The following TOX variants were observed in gnomAD, a reference collection of about 807,000 sequenced individuals.
TOX encodes thymocyte selection associated high mobility group box, also known as thymocyte selection-associated high mobility group box protein TOX.
Under a neutral mutation model 53.7 loss-of-function variants are expected in TOX, and 11 were observed. The ratio of observed to expected loss-of-function variants is 0.20; its 90% CI spans 0.13 to 0.34. The LOEUF (loss-of-function observed/expected upper bound fraction) is 0.34, where lower values mean the gene tolerates loss of function less well. TOX is among the 10% of genes least tolerant of loss of function. The pLI is 1.00. For synonymous variants in TOX, 225 were observed against 245.3 expected, an observed-to-expected ratio of 0.92 and a Z score of 0.77; for missense variants, 570 against 664.6, an observed-to-expected ratio of 0.86 and a Z score of 1.56.
At chr8:58,893,129 C>T (rs530202007) in intron 3 of TOX, among the ~76,000 whole-genome samples, 6 of 152,236 alleles carry the variant, frequency 3.9e-5, no homozygotes, top group African/African-American at 9.6e-5. Context: ...TGCTTTGTGT[C>T]TACAGTAATT....
intron 1 of TOX, among the ~76,000 whole-genome samples, chr8:59,079,319 A>G (rs1046093633): frequency 6.6e-6 from 1 of 152,218 alleles, no homozygotes; most frequent in African/African-American, 2.4e-5. Context: ...AGACAATGGG[A>G]AAAAGGCCTC....
At chr8:59,061,725 A>G (rs773453929) in intron 1 of TOX, among the ~76,000 whole-genome samples, 1 of 151,760 alleles carries the variant, frequency 6.6e-6, no homozygotes, top group Non-Finnish European at 1.5e-5. Flanking sequence ...ACTTTCCTAT[A>G]TATATCTAGT....
intron 1 of TOX, among the ~76,000 whole-genome samples, chr8:58,973,654 A>G (rs1005951058): frequency 5.9e-5 from 9 of 152,188 alleles, no homozygotes; most frequent in African/African-American, 2.2e-4. Flanking sequence ...GAAGGTTATT[A>G]GCATTTCCTT....
intron 3 of TOX, among the ~76,000 whole-genome samples, chr8:58,912,449 C>T (rs79302965): frequency 0.017 from 2,518 of 152,178 alleles, 79 homozygotes; most frequent in African/African-American, 0.057. Context: ...TTCAAAGGGC[C>T]GGCTGACTAA....
chr8:59,082,281 T>C (rs982020280), intron 1 of TOX, among the ~76,000 whole-genome samples: 33 of 152,208 alleles, frequency 2.2e-4, no homozygotes, highest in African/African-American at 7.7e-4. Flanking sequence ...CCACGGAGAA[T>C]TGGGGAGTTG....
chr8:59,090,512 T>C (rs1471695896), intron 1 of TOX, among the ~76,000 whole-genome samples: 1 of 152,162 alleles, frequency 6.6e-6, no homozygotes, highest in Non-Finnish European at 1.5e-5. Context: ...TGGCACCTGA[T>C]ATTATTATAG....
chr8:59,078,620 TTTATAAA>T (rs1305457204), intron 1 of TOX, among the ~76,000 whole-genome samples: 1 of 152,190 alleles, frequency 6.6e-6, no homozygotes, highest in African/African-American at 2.4e-5. Flanking sequence ...ACCTCTTTTC[TTTATAAA>T]TTACTCAGTC....
At chr8:58,904,165 C>G (rs1811776032) in intron 3 of TOX, among the ~76,000 whole-genome samples, 5 of 152,122 alleles carry the variant, frequency 3.3e-5, no homozygotes, top group Admixed American at 3.3e-4. Context: ...TACTAAAATT[C>G]TGGTCCCACA....
intron 3 of TOX, among the ~76,000 whole-genome samples, chr8:58,921,041 C>T (rs1812064995): frequency 6.6e-6 from 1 of 151,726 alleles, no homozygotes; most frequent in South Asian, 2.1e-4. Context: ...TTTTTAGGAC[C>T]TATCTTGCCT....
Position 58,976,072 on chromosome 8 carries a change from T to TA in TOX, c.103-16065dup, listed in dbSNP as rs35306002. Among the ~76,000 whole-genome samples the TA allele has an allele frequency of 8.7e-4, 129 of 148,988 alleles. 2 individuals are homozygous for TA. The South Asian group carries it at 0.021, about 24-fold the overall frequency. On this transcript the variant is annotated intron_variant, in intron 1 of 8. Transcript: ENST00000361421. Reference sequence around the variant, plus strand: ...GGAGACAGAGTGAGACTCCGTCTAATAAAAAAAAAAAAATGAAGTTTGCCA... The same window carrying TA: ...GGAGACAGAGTGAGACTCCGTCTAATAAAAAAAAAAAAAATGAAGTTTGCCA...
At chr8:58,901,607 A>G (rs1361819857) in intron 3 of TOX, among the ~76,000 whole-genome samples, 1 of 152,176 alleles carries the variant, frequency 6.6e-6, no homozygotes, top group Non-Finnish European at 1.5e-5. Context: ...CTTGTCTAAA[A>G]TGAGTTATTT....
chr8:59,085,537 C>T (rs1038249782), intron 1 of TOX, among the ~76,000 whole-genome samples: 14 of 152,160 alleles, frequency 9.2e-5, no homozygotes, highest in African/African-American at 1.9e-4. Flanking sequence ...CACAGGCATG[C>T]GCCACCACAC....
intron 1 of TOX, among the ~76,000 whole-genome samples, chr8:59,088,076 A>T (rs964676573): frequency 1.3e-4 from 20 of 152,122 alleles, no homozygotes; most frequent in Non-Finnish European, 2.4e-4. Flanking sequence ...TTATTATATT[A>T]AAAAAACACA....
chr8:59,053,855 T>C (rs934955700), intron 1 of TOX, among the ~76,000 whole-genome samples: 3 of 152,182 alleles, frequency 2.0e-5, no homozygotes, highest in African/African-American at 4.8e-5. Context: ...GACCAAGCAA[T>C]AATTTTGCCT....
intron 3 of TOX, among the ~76,000 whole-genome samples, chr8:58,929,038 A>G (rs1812214094): frequency 6.6e-6 from 1 of 152,132 alleles, no homozygotes; most frequent in South Asian, 2.1e-4. Context: ...ACATTTTGAG[A>G]GGGTTTTTGC....
At chr8:58,865,675 A>C (rs2129169495) in intron 3 of TOX, among the ~76,000 whole-genome samples, 1 of 152,274 alleles carries the variant, frequency 6.6e-6, no homozygotes, top group Admixed American at 6.5e-5. Context: ...AACAAAAAGA[A>C]AAGAAAAAGA....
At chr8:58,998,493 G>GTATGTATA (rs1554537304) in intron 1 of TOX, among the ~76,000 whole-genome samples, 1 of 63,640 alleles carries the variant, frequency 1.6e-5, no homozygotes, top group African/African-American at 1.1e-4. Context: ...CATCTCAAAA[G>GTATGTATA]TATATATATA....
chr8:58,872,848 C>T (rs918238678), intron 3 of TOX, among the ~76,000 whole-genome samples: 6 of 152,056 alleles, frequency 3.9e-5, no homozygotes, highest in African/African-American at 1.2e-4. Flanking sequence ...TGAGGAAATA[C>T]AAATGAAGTA....
rs533147811 is a variant in TOX at position 58,856,697 on chromosome 8, C to T, written c.412-4892G>A. Among the ~76,000 whole-genome samples, 86 of 151,518 alleles carry T rather than the reference C, an allele frequency of 5.7e-4. 2 individuals are homozygous for T. The South Asian group carries it at 0.017, about 30-fold the overall frequency. On this transcript the variant is annotated intron_variant, in intron 3 of 8. Transcript: ENST00000361421. ...GACAATGAAATGTAAGCGGAATCCTCGTGTGGTGCTTCCAAGAAGTCTCCA... is the reference window on the plus strand; with the variant it reads ...GACAATGAAATGTAAGCGGAATCCTTGTGTGGTGCTTCCAAGAAGTCTCCA...
Sources: gnomAD v4.1 joint callset for allele counts (sites outside exome capture counted in the v4.1 genomes callset) on GRCh38, gnomAD v4.1.1 for gene constraint, MANE v1.5 for transcripts, NCBI Gene and HGNC (gene_info 2026-07-23, HGNC 2026-07-21) for gene names.